Variants in PSD3 observed in about 807,000 individuals in gnomAD.
The protein encoded by PSD3 is pleckstrin and Sec7 domain containing 3.
In PSD3, 49 loss-of-function variants were observed where a neutral mutation model predicts 105.5. That is an observed-to-expected ratio of 0.46 (90% CI 0.37 to 0.59). PSD3 has a LOEUF of 0.59. PSD3 is among the 20% of genes least tolerant of loss of function. The pLI is 0.00. For missense variants in PSD3, 1,561 were observed against 1,263.8 expected (o/e 1.24, Z -3.57); for synonymous variants, 557 against 457.8 (o/e 1.22, Z -2.77).
intron 4 of PSD3, among the ~76,000 whole-genome samples, chr8:18,825,082 C>T (rs1366673231): frequency 6.6e-6 from 1 of 152,158 alleles, no homozygotes; most frequent in Non-Finnish European, 1.5e-5. Flanking sequence ...TTGAAAAACC[C>T]TGCCTTTCTG....
chr8:18,850,949 A>G (rs1314199633), intron 4 of PSD3, among the ~76,000 whole-genome samples: 2 of 152,174 alleles, frequency 1.3e-5, no homozygotes, highest in Admixed American at 1.3e-4. Flanking sequence ...TCTTATGCAT[A>G]CCAGGAGCAT....
In PSD3 at chr8:18,804,876, G is replaced by T. The variant is rs377004772; in HGVS notation, c.1657C>A (p.Arg553=). ...WGSNAGVKTT[R]LEAHSEMGST... is the part of the protein sequence containing the mutation. The stretch of plus-strand genomic sequence containing the variant: ...CCCATTTCAGAATGAGCTTCTAGCC[G>T]TGTTGTTTTCACCCCAGCATTGCTA... Residue 553 remains arginine (R), a synonymous_variant, in exon 5 of 16, where the codon CGG becomes AGG. Coordinates refer to ENST00000327040, the MANE Select transcript of PSD3 (RefSeq NM_015310.4). 6 of 1,611,704 alleles carry T rather than the reference G, an allele frequency of 3.7e-6. No homozygotes were observed. Among genetic ancestry groups the T allele is most frequent in the Non-Finnish European group, 5.1e-6 (6 of 1,178,228 alleles).
At chr8:18,760,527 A>G (rs982654197) in intron 9 of PSD3, among the ~76,000 whole-genome samples, 8 of 152,180 alleles carry the variant, frequency 5.3e-5, no homozygotes, top group African/African-American at 1.9e-4. Flanking sequence ...TATTTCATTT[A>G]GTGAAACGTC....
chr8:18,952,167 T>C (rs763978062), intron 1 of PSD3, among the ~76,000 whole-genome samples: 3 of 152,096 alleles, frequency 2.0e-5, no homozygotes, highest in African/African-American at 7.2e-5. Flanking sequence ...TGTCCTCAAT[T>C]TCATAGTTTT....
chr8:18,689,317 T>C (rs1054156376), intron 9 of PSD3, among the ~76,000 whole-genome samples: 1 of 152,160 alleles, frequency 6.6e-6, no homozygotes, highest in Admixed American at 6.5e-5. Flanking sequence ...ATCAATGAAC[T>C]GAAAGGCTTT....
At chr8:18,939,238 G>A (rs927002689) in intron 1 of PSD3, among the ~76,000 whole-genome samples, 4 of 152,172 alleles carry the variant, frequency 2.6e-5, no homozygotes, top group Non-Finnish European at 5.9e-5. Context: ...CCAATCAAGA[G>A]AATTCTGGAA....
At chr8:18,860,740 G>A (rs1292440518) in intron 4 of PSD3, among the ~76,000 whole-genome samples, 2 of 152,144 alleles carry the variant, frequency 1.3e-5, no homozygotes, top group Non-Finnish European at 2.9e-5. Flanking sequence ...AGAGACCTCT[G>A]CTAAGATGAA....
chr8:18,612,896 G>C (rs558848993), intron 11 of PSD3, among the ~76,000 whole-genome samples: 1 of 152,104 alleles, frequency 6.6e-6, no homozygotes, highest in African/African-American at 2.4e-5. Flanking sequence ...CCACAGAGTC[G>C]CTCAGATCTA....
At chr8:18,679,112 G>T (rs17127030) in intron 9 of PSD3, among the ~76,000 whole-genome samples, 9,225 of 152,208 alleles carry the variant, frequency 0.061, 720 homozygotes, top group African/African-American at 0.18. Flanking sequence ...TGTTTGACCA[G>T]AATCTCCTTC....
intron 9 of PSD3, among the ~76,000 whole-genome samples, chr8:18,711,374 G>C (rs1475179213): frequency 6.6e-6 from 1 of 152,142 alleles, no homozygotes; most frequent in Non-Finnish European, 1.5e-5. Context: ...ACCCATTGCT[G>C]TGCTGTCTTC....
upstream of PSD3, among the ~76,000 whole-genome samples, chr8:19,016,820 G>A (rs146274765): frequency 2.1e-3 from 313 of 152,218 alleles, 1 homozygote; most frequent in Admixed American, 5.2e-3. Flanking sequence ...CACAAGAGAC[G>A]GGAAGCAAAT....
chr8:18,734,278 C>T (rs1189151696), intron 9 of PSD3: 1 of 152,110 alleles, frequency 6.6e-6, no homozygotes, highest in Non-Finnish European at 1.5e-5. Context: ...ATTAAAAATA[C>T]CTTCATTCAA....
At chr8:19,010,002 A>G (rs1586623589) in intron 1 of PSD3, among the ~76,000 whole-genome samples, 2 of 152,324 alleles carry the variant, frequency 1.3e-5, no homozygotes, top group Middle Eastern at 3.4e-3. Flanking sequence ...TTAGGTCAAA[A>G]TGTTAATTTT....
intron 14 of PSD3, among the ~76,000 whole-genome samples, chr8:18,564,729 C>A (rs970413166): frequency 4.6e-5 from 7 of 151,754 alleles, no homozygotes; most frequent in Non-Finnish European, 8.8e-5. Context: ...GAAGCAACTA[C>A]AAGAATGACC....
intron 14 of PSD3, among the ~76,000 whole-genome samples, chr8:18,571,052 G>C (rs1802104723): frequency 3.9e-5 from 6 of 152,006 alleles, no homozygotes; most frequent in Admixed American, 3.3e-4. Context: ...CTAGAGACAG[G>C]GTTTTACCAT....
At chr8:19,060,973 C>A (rs1828877697) in intron 1 of PSD3, among the ~76,000 whole-genome samples, 1 of 152,136 alleles carries the variant, frequency 6.6e-6, no homozygotes, top group African/African-American at 2.4e-5. Flanking sequence ...CTCTGACTGG[C>A]CCTTTGACTT....
At chr8:18,971,385 G>A (rs755337695) in intron 1 of PSD3, among the ~76,000 whole-genome samples, 7 of 152,138 alleles carry the variant, frequency 4.6e-5, no homozygotes. Flanking sequence ...CCATGCGCCT[G>A]GGCTCTGGAC....
chr8:18,873,850 G>A (rs562984182), intron 2 of PSD3, among the ~76,000 whole-genome samples: 2 of 152,252 alleles, frequency 1.3e-5, no homozygotes, highest in South Asian at 2.1e-4. Context: ...GGCATCTTAC[G>A]AAGAACCCCA....
At chr8:18,796,115 G>C (rs1159035478) in intron 8 of PSD3, among the ~76,000 whole-genome samples, 2 of 152,174 alleles carry the variant, frequency 1.3e-5, no homozygotes, top group African/African-American at 2.4e-5. Flanking sequence ...AGATACTCTT[G>C]CTAGGAAAAT....
Sources: gnomAD v4.1 joint callset for allele counts (sites outside exome capture counted in the v4.1 genomes callset) on GRCh38, gnomAD v4.1.1 for gene constraint, MANE v1.5 for transcripts, NCBI Gene and HGNC (gene_info 2026-07-23, HGNC 2026-07-21) for gene names.